The following MBIP variants were observed in gnomAD, a reference collection of about 807,000 sequenced individuals.
The protein encoded by MBIP is MAP3K12-binding inhibitory protein 1.
In MBIP, 32 loss-of-function variants were observed where a neutral mutation model predicts 45.7. That is an observed-to-expected ratio of 0.70 (90% CI 0.53 to 0.94). The LOEUF (loss-of-function observed/expected upper bound fraction) is 0.94, where lower values mean the gene tolerates loss of function less well. Among genes scored for constraint, MBIP ranks in the 40% least tolerant of loss-of-function variants. The pLI is 0.00. For missense variants in MBIP, 381 were observed against 405.5 expected (o/e 0.94, Z 0.52); for synonymous variants, 145 against 141.0 (o/e 1.03, Z -0.20).
intron 7 of MBIP, 105 bp downstream of exon 7, chr14:36,307,987 A>C: frequency 1.6e-6 from 1 of 618,014 alleles, no homozygotes; most frequent in Non-Finnish European, 2.8e-6. Context: ...TCTTTGAATT[A>C]TTAAAATAGT....
intron 6 of MBIP, among the ~76,000 whole-genome samples, chr14:36,311,304 T>C (rs76838784): frequency 6.6e-6 from 1 of 152,074 alleles, no homozygotes; most frequent in Non-Finnish European, 1.5e-5. Flanking sequence ...CTTTTTTTTT[T>C]AGAGTTGTCA....
chr14:36,311,966 G>A lies in MBIP; in HGVS notation c.630C>T (p.His210=), dbSNP rs1594517983. 12 of 1,593,312 alleles carry A rather than the reference G, an allele frequency of 7.5e-6. No homozygotes were observed. The highest frequency in any genetic ancestry group is 4.5e-5 in the East Asian group (2 of 44,330). The part of the protein sequence containing the change: ...IFTPYPGFKS[H]VKVSRVVNTY... ...CATGTGGTGGTTACTTACCTTTTAC[G>A]TGACTTTTAAATCCGGGGTAAGGGG... Residue 210 remains histidine, a synonymous_variant, in exon 5 of 9, where the codon CAC becomes CAT. Coordinates refer to ENST00000416007, the MANE Select transcript of MBIP (RefSeq NM_016586.3).
chr14:36,299,354 C>T (rs1490279022), intron 8 of MBIP, among the ~76,000 whole-genome samples, 164 bp from the exon 9 acceptor site: 1 of 151,412 alleles, frequency 6.6e-6, no homozygotes, highest in Non-Finnish European at 1.5e-5. Context: ...TATATGTTGA[C>T]TATATCATAA....
chr14:36,313,581 C>G (rs934748671), intron 4 of MBIP: 1 of 152,022 alleles, frequency 6.6e-6, no homozygotes, highest in African/African-American at 2.4e-5. Flanking sequence ...TGCACCTGTT[C>G]TGAAAAGCTA....
chr14:36,318,271 A>G (rs1279423949), intron 1 of MBIP, among the ~76,000 whole-genome samples: 1 of 152,016 alleles, frequency 6.6e-6, no homozygotes, highest in Non-Finnish European at 1.5e-5. Flanking sequence ...CACATTTTCT[A>G]GAGAAAATAA....
At chr14:36,305,247 G>A (rs1879798383) in intron 7 of MBIP, 1 of 152,084 alleles carries the variant, frequency 6.6e-6, no homozygotes, top group Non-Finnish European at 1.5e-5. Flanking sequence ...TATTATAGAA[G>A]GGTGATGAGT....
At chr14:36,306,615 A>C (rs1879896589) in intron 7 of MBIP, among the ~76,000 whole-genome samples, 1 of 152,124 alleles carries the variant, frequency 6.6e-6, no homozygotes, top group African/African-American at 2.4e-5. Context: ...GAAGAGAGGA[A>C]TGATGCTGCA....
Position 36,311,715 on chromosome 14 carries a change from A to T in MBIP, c.648T>A (p.Val216=). The T allele has an allele frequency of 6.3e-7, 1 of 1,590,452 alleles. No homozygotes were observed. The highest frequency in any genetic ancestry group is 8.5e-7 in the Non-Finnish European group (1 of 1,171,120). ...TAGTCTGTGGTCCGTATGTATTCAC[A>T]ACTCTAGAAACTAAATTAAGAAACT... is the stretch of plus-strand genomic sequence containing the variant. The part of the protein sequence containing the change: ...GFKSHVKVSR[V]VNTYGPQTRP... The change falls in exon 6 of 9, where the codon GTT becomes GTA. Residue 216 remains valine, a synonymous_variant. Transcript: ENST00000416007.
chr14:36,310,889 CAT>C (rs1168041652), intron 6 of MBIP, among the ~76,000 whole-genome samples: 1 of 152,156 alleles, frequency 6.6e-6, no homozygotes, highest in African/African-American at 2.4e-5. Flanking sequence ...CCAATCTCCA[CAT>C]TTTTAGCTGG....
rs1384082876 is a variant in MBIP, at chr14:36,298,694, T to A, written c.*389A>T. 6.3e-6 allele frequency: 1 copy of A among 158,270 alleles called. No individual in the cohort carries two copies. Among genetic ancestry groups the A allele is most frequent in the Admixed American group, 6.3e-5 (1 of 15,888 alleles). 9.8% of individuals were successfully genotyped at this position (158,270 alleles called of 1,614,324 possible). On this transcript the variant is annotated 3_prime_UTR_variant, in exon 9 of 9. Transcript: ENST00000416007. ...TGTTGAATGCTTATTATATGCAAAGTACTGATTTAAACTAATAAACTGGTT... is the reference window on the plus strand; with the variant it reads ...TGTTGAATGCTTATTATATGCAAAGAACTGATTTAAACTAATAAACTGGTT...
intron 6 of MBIP, among the ~76,000 whole-genome samples, chr14:36,309,336 C>T (rs147345627): frequency 3.1e-4 from 47 of 152,210 alleles, no homozygotes; most frequent in Non-Finnish European, 5.9e-4. Context: ...TATTTGTTTC[C>T]CCATTCTAAT....
Position 36,311,682 on chromosome 14 carries a change from T to C in MBIP, c.681A>G (p.Glu227=), listed in dbSNP as rs1880219970. 1.9e-6 allele frequency: 3 copies of C among 1,612,796 alleles called. No individual in the cohort carries two copies. Among genetic ancestry groups the C allele is most frequent in the Non-Finnish European group, 2.5e-6 (3 of 1,178,952 alleles). ...GTTTATGACCTGACCCTGGAATTCC[T>C]TCAGGTCTAGTCTGTGGTCCGTATG... is the stretch of plus-strand genomic sequence containing the variant. The part of the protein sequence containing the change: ...VNTYGPQTRP[E]GIPGSGHKPN... The change falls in exon 6 of 9, where the codon GAA becomes GAG. Residue 227 remains glutamate, a synonymous_variant. Transcript: ENST00000416007.
intron 7 of MBIP, chr14:36,305,404 GA>G (rs1228325808): frequency 6.6e-6 from 1 of 151,978 alleles, no homozygotes; most frequent in Non-Finnish European, 1.5e-5. Flanking sequence ...CACTAATCCA[GA>G]AGAACTGCAG....
At chr14:36,303,461 A>C (rs552211267) in intron 7 of MBIP, among the ~76,000 whole-genome samples, 2 of 152,182 alleles carry the variant, frequency 1.3e-5, no homozygotes, top group African/African-American at 4.8e-5. Flanking sequence ...CACCTAGGCT[A>C]TATGGTATAG....
At chr14:36,299,595 C>G (rs1049076790) in intron 8 of MBIP, among the ~76,000 whole-genome samples, 20 of 152,004 alleles carry the variant, frequency 1.3e-4, no homozygotes, top group Non-Finnish European at 7.4e-5. Context: ...ACCAAACCCC[C>G]ATGACATGCA....
intron 7 of MBIP, among the ~76,000 whole-genome samples, chr14:36,305,687 G>A (rs1008936954): frequency 1.2e-4 from 19 of 152,192 alleles, no homozygotes; most frequent in African/African-American, 4.1e-4. Context: ...TGTAAGTGCC[G>A]TATCTCAAAA....
At chr14:36,303,810 C>T (rs755800406) in intron 7 of MBIP, among the ~76,000 whole-genome samples, 4 of 152,284 alleles carry the variant, frequency 2.6e-5, no homozygotes, top group South Asian at 4.1e-4. Flanking sequence ...TGATTCTATG[C>T]GTGCAGTATC....
At chr14:36,312,453 A>G (rs1027292426) in intron 4 of MBIP, among the ~76,000 whole-genome samples, 1 of 152,138 alleles carries the variant, frequency 6.6e-6, no homozygotes, top group Non-Finnish European at 1.5e-5. Flanking sequence ...ACATCCAACA[A>G]AAAGAATTAT....
At chr14:36,319,550 A>C (rs1880764313) in intron 1 of MBIP, 1 of 433,454 alleles carries the variant, frequency 2.3e-6, no homozygotes, top group African/African-American at 2.0e-5. Context: ...AATTTTCACA[A>C]ATCAGACAAA....
Sources: allele counts gnomAD v4.1 joint callset (sites outside exome capture counted in the v4.1 genomes callset), GRCh38; gene constraint gnomAD v4.1.1; transcripts MANE v1.5; gene names NCBI Gene and HGNC (gene_info 2026-07-23, HGNC 2026-07-21).